Variants in UGT1A9 observed in about 807,000 individuals in gnomAD.
The protein encoded by UGT1A9 is UDP-glucuronosyltransferase 1A9.
In UGT1A9, 35 loss-of-function variants were observed where a neutral mutation model predicts 45.0. The observed-to-expected ratio is 0.78, with a 90% CI of 0.59 to 1.03. UGT1A9 has a LOEUF of 1.03. Among genes scored for constraint, UGT1A9 ranks in the 50% least tolerant of loss-of-function variants. The pLI is 0.00. For missense variants in UGT1A9, 687 were observed against 666.6 expected (o/e 1.03, Z -0.34); for synonymous variants, 278 against 250.6 (o/e 1.11, Z -1.03).
intron 1 of UGT1A9, chr2:233,741,975 C>T (rs1043950383): frequency 3.3e-5 from 5 of 151,844 alleles, no homozygotes; most frequent in African/African-American, 4.9e-5. Flanking sequence ...TTTATGGTGC[C>T]TCACCCAAAA....
At chr2:233,719,438 A>G in intron 1 of UGT1A9, 1 of 1,613,920 alleles carries the variant, frequency 6.2e-7, no homozygotes, top group Non-Finnish European at 8.5e-7. Context: ...ACCACATGAC[A>G]TTCCTGCAAA....
At chr2:233,673,563 A>G (rs569309785) in intron 1 of UGT1A9, among the ~76,000 whole-genome samples, 2 of 152,034 alleles carry the variant, frequency 1.3e-5, no homozygotes, top group East Asian at 3.9e-4. Flanking sequence ...TTTTTTTGCT[A>G]TTGTGTCTTC....
At chr2:233,742,507 G>A (rs1692002701) in intron 1 of UGT1A9, among the ~76,000 whole-genome samples, 1 of 151,888 alleles carries the variant, frequency 6.6e-6, no homozygotes, top group Non-Finnish European at 1.5e-5. Flanking sequence ...TGGCTATCAT[G>A]AACACGTCAC....
Position 233,719,094 on chromosome 2 carries a change from G to A in UGT1A9, c.855+46305G>A, listed in dbSNP as rs376370143. 116 of 1,614,204 alleles carry A rather than the reference G, an allele frequency of 7.2e-5. No individual in the cohort carries two copies. Among genetic ancestry groups the A allele is most frequent in the East Asian group, 4.2e-4 (19 of 44,884 alleles). ...ATGGACCCAGAAGGAATTTGATCGCGTTACGCTGGGCTACACTCAAGGGTT... is the reference window on the plus strand; with the variant it reads ...ATGGACCCAGAAGGAATTTGATCGCATTACGCTGGGCTACACTCAAGGGTT... On this transcript the variant is annotated intron_variant, in intron 1 of 4. Coordinates refer to ENST00000354728, the MANE Select transcript of UGT1A9 (RefSeq NM_021027.3).
chr2:233,737,590 T>C (rs2078898142), intron 1 of UGT1A9, among the ~76,000 whole-genome samples: 1 of 152,212 alleles, frequency 6.6e-6, no homozygotes, highest in Non-Finnish European at 1.5e-5. Context: ...CCCAATGAGA[T>C]GAACCAGGTA....
chr2:233,731,428 C>G (rs2078158900), intron 1 of UGT1A9, among the ~76,000 whole-genome samples: 1 of 152,060 alleles, frequency 6.6e-6, no homozygotes, highest in South Asian at 2.1e-4. Context: ...AATGCCATCC[C>G]TCCCCCAGTC....
intron 1 of UGT1A9, chr2:233,713,506 T>C: frequency 6.2e-7 from 1 of 1,613,972 alleles, no homozygotes; most frequent in Non-Finnish European, 8.5e-7. Flanking sequence ...GCTGTGTTTT[T>C]CTTGAGGAAC....
At position 233,760,649 on chromosome 2, in the gene UGT1A9, C is replaced by T; in HGVS notation, c.856-6385C>T. The T allele has an allele frequency of 6.2e-7, 1 of 1,614,206 alleles. No individual in the cohort carries two copies. The highest frequency in any genetic ancestry group is 2.2e-5 in the East Asian group (1 of 44,882). On this transcript the variant is annotated intron_variant, in intron 1 of 4. Coordinates refer to ENST00000354728, the MANE Select transcript of UGT1A9 (RefSeq NM_021027.3). ...TACAAGAAAATAAAAAAGGACTCTG[C>T]TATGCTTTTGTCTGGCTGTTCCCAC...
chr2:233,761,002 C>G, intron 1 of UGT1A9: 3 of 1,614,176 alleles, frequency 1.9e-6, no homozygotes, highest in Non-Finnish European at 2.5e-6. Flanking sequence ...AGAATTCCTT[C>G]AGAGAGAGGT....
At chr2:233,713,310 C>T (rs1177829865) in intron 1 of UGT1A9, 1 of 1,614,216 alleles carries the variant, frequency 6.2e-7, no homozygotes, top group South Asian at 1.1e-5. Context: ...AGAACATCTT[C>T]TGATGAAATT....
intron 1 of UGT1A9, chr2:233,713,425 C>A (rs748267657): frequency 6.2e-7 from 1 of 1,614,122 alleles, no homozygotes; most frequent in Non-Finnish European, 8.5e-7. Context: ...CATGCTACTT[C>A]CTTTGATGTG....
At chr2:233,687,154 A>C (rs2074825974) in intron 1 of UGT1A9, among the ~76,000 whole-genome samples, 1 of 152,256 alleles carries the variant, frequency 6.6e-6, no homozygotes, top group Non-Finnish European at 1.5e-5. Flanking sequence ...TAATACATGC[A>C]GATGACTGGC....
chr2:233,724,364 G>C (rs1172748596), intron 1 of UGT1A9, among the ~76,000 whole-genome samples: 12 of 145,710 alleles, frequency 8.2e-5, no homozygotes, highest in Non-Finnish European at 1.2e-4. Flanking sequence ...CCTCCCGGAC[G>C]GGGTGGCTGC....
chr2:233,672,022 G>C lies in UGT1A9; in HGVS notation c.88G>C (p.Val30Leu). Residue 30 changes from valine (V) to leucine (L), a missense_variant, in exon 1 of 5, where the codon GTA becomes CTA. Val to Leu is a conservative substitution (Grantham distance 32). Coordinates refer to ENST00000354728, the MANE Select transcript of UGT1A9 (RefSeq NM_021027.3). ...CTTTGCCGAGGCAGGGAAGCTACTG[G>C]TAGTGCCCATGGATGGGAGCCACTG... Reference protein sequence around the residue: ...CGFAEAGKLLVVPMDGSHWFT... With the variant: ...CGFAEAGKLLLVPMDGSHWFT... 1 of 1,614,160 alleles carries C rather than the reference G, an allele frequency of 6.2e-7. No individual in the cohort carries two copies. The highest frequency in any genetic ancestry group is 1.7e-5 in the Admixed American group (1 of 60,014).
chr2:233,757,238 G>C (rs191269433), intron 1 of UGT1A9, among the ~76,000 whole-genome samples: 1 of 148,984 alleles, frequency 6.7e-6, no homozygotes, highest in East Asian at 2.0e-4. Flanking sequence ...AGAAGTGGTG[G>C]TGAGGTGGGG....
At chr2:233,713,253 G>A (rs1357928110) in intron 1 of UGT1A9, 11 of 1,614,108 alleles carry the variant, frequency 6.8e-6, no homozygotes, top group Middle Eastern at 1.6e-4. Context: ...GACCCAGGAC[G>A]AATTTGATCG....
intron 1 of UGT1A9, chr2:233,691,708 C>G: frequency 1.1e-6 from 1 of 937,570 alleles, no homozygotes; most frequent in Non-Finnish European, 1.3e-6. Flanking sequence ...AGTCACTCCC[C>G]TGGCAGATGG....
chr2:233,768,262 A>G lies in UGT1A9; in HGVS notation c.1118A>G (p.His373Arg), dbSNP rs1349037761. The change falls in exon 4 of 5, where the codon CAT becomes CGT. Residue 373 changes from histidine to arginine, a missense_variant. Physicochemically the swap from His to Arg is conservative, Grantham distance 29. Coordinates refer to ENST00000354728, the MANE Select transcript of UGT1A9 (RefSeq NM_021027.3). ...GCCTTTATCACCCATGCTGGTTCCC[A>G]TGGTGTTTATGAAAGCATATGCAAT... Reference protein sequence around the residue: ...TRAFITHAGSHGVYESICNGV... With the variant: ...TRAFITHAGSRGVYESICNGV... 1 of 1,614,138 alleles carries G rather than the reference A, an allele frequency of 6.2e-7. No individual in the cohort carries two copies. Among genetic ancestry groups the G allele is most frequent in the Non-Finnish European group, 8.5e-7 (1 of 1,180,018 alleles).
At chr2:233,698,870 G>A (rs886928644) in intron 1 of UGT1A9, among the ~76,000 whole-genome samples, 1 of 152,196 alleles carries the variant, frequency 6.6e-6, no homozygotes, top group Non-Finnish European at 1.5e-5. Context: ...GTGACTTTGC[G>A]ACTTTGACCA....
Sources: gnomAD v4.1 joint callset for allele counts (sites outside exome capture counted in the v4.1 genomes callset) on GRCh38, gnomAD v4.1.1 for gene constraint, MANE v1.5 for transcripts, NCBI Gene and HGNC (gene_info 2026-07-23, HGNC 2026-07-21) for gene names.